The following PHC3 variants were observed in gnomAD, a reference collection of about 807,000 sequenced individuals.
PHC3 encodes polyhomeotic homolog 3, also known as polyhomeotic-like protein 3.
PHC3 carries 13 observed loss-of-function variants against 107.4 expected under a neutral mutation model. The observed-to-expected ratio is 0.12, with a 90% confidence interval of 0.08 to 0.19. The LOEUF (loss-of-function observed/expected upper bound fraction) is 0.19. Ranked by LOEUF, PHC3 falls within the 10% of genes least tolerant of loss-of-function variation. The pLI, the probability that PHC3 is intolerant of heterozygous loss-of-function variation, is 1.00. For missense variants in PHC3, 992 were observed against 1,210.9 expected (o/e 0.82, Z 2.68); for synonymous variants, 456 against 427.4 (o/e 1.07, Z -0.83).
chr3:170,096,114 A>C lies in PHC3; in HGVS notation c.*1116T>G, dbSNP rs765756781. 2 of 152,172 alleles carry C rather than the reference A, an allele frequency of 1.3e-5. No individual in the cohort carries two copies. Among genetic ancestry groups the C allele is most frequent in the Non-Finnish European group, 2.9e-5 (2 of 68,028 alleles). The allele number at this position is 152,172 out of a possible 1,614,324, so 9.4% of individuals were successfully genotyped here. A position where few individuals can be genotyped will look rare whatever the true frequency, so the allele number is the denominator to read the frequency against. ...GAGGAGCACAGAGGTATGAAAGATA[A>C]TCAGAATGAATTAGTACTTTCTGAG... On this transcript the variant is annotated 3_prime_UTR_variant, in exon 15 of 15. Coordinates refer to ENST00000495893, the MANE Select transcript of PHC3 (RefSeq NM_024947.4).
intron 7 of PHC3, among the ~76,000 whole-genome samples, chr3:170,135,109 C>T (rs575099338): frequency 6.6e-6 from 1 of 152,242 alleles, no homozygotes; most frequent in African/African-American, 2.4e-5. Context: ...AAGATGCTTA[C>T]CCGATGAGGT....
intron 6 of PHC3, among the ~76,000 whole-genome samples, chr3:170,138,523 C>G (rs1209191844): frequency 6.6e-6 from 1 of 151,794 alleles, no homozygotes; most frequent in East Asian, 1.9e-4. Flanking sequence ...AACACCGTCT[C>G]TACTAAAAAT....
chr3:170,139,464 A>G (rs1315138626), intron 6 of PHC3, among the ~76,000 whole-genome samples: 1 of 152,238 alleles, frequency 6.6e-6, no homozygotes, highest in Non-Finnish European at 1.5e-5. Context: ...AATGATAACC[A>G]AAGGGTAATA....
At chr3:170,168,792 G>A (rs1412470989) in intron 4 of PHC3, among the ~76,000 whole-genome samples, 7 of 149,520 alleles carry the variant, frequency 4.7e-5, no homozygotes, top group Non-Finnish European at 8.9e-5. Context: ...CTCCACTACT[G>A]ACAATAGTGT....
chr3:170,154,691 G>A (rs1249219992), intron 4 of PHC3, among the ~76,000 whole-genome samples: 1 of 152,172 alleles, frequency 6.6e-6, no homozygotes, highest in Non-Finnish European at 1.5e-5. Flanking sequence ...TCTAAGTTGT[G>A]AGATCAAAGA....
At chr3:170,108,975 C>G (rs1395289021) in intron 11 of PHC3, among the ~76,000 whole-genome samples, 1 of 151,872 alleles carries the variant, frequency 6.6e-6, no homozygotes, top group Non-Finnish European at 1.5e-5. Context: ...GTTAACCGAA[C>G]AAAAATAAGA....
chr3:170,157,351 T>C (rs184871677), intron 4 of PHC3, among the ~76,000 whole-genome samples: 80 of 152,336 alleles, frequency 5.3e-4, no homozygotes, highest in African/African-American at 1.6e-3. Context: ...TGGAGGGGTA[T>C]GGAACCAACT....
rs770361520 is a variant in PHC3, at chr3:170,117,280, G to A, written c.2139C>T (p.Ile713=). Reference sequence around the variant, plus strand: ...CAAAGCCTTCAATAACATGGGTTAGGATCTGTGGTTTAACAATAGCCTGTG... The same window carrying A: ...CAAAGCCTTCAATAACATGGGTTAGAATCTGTGGTTTAACAATAGCCTGTG... ...KPPQAIVKPQ[I]LTHVIEGFVI... The change falls in exon 10 of 15, where the codon ATC becomes ATT. Residue 713 remains isoleucine, a synonymous_variant. Coordinates refer to ENST00000495893, the MANE Select transcript of PHC3 (RefSeq NM_024947.4). 15 of 1,613,862 alleles carry A rather than the reference G, an allele frequency of 9.3e-6. No individual in the cohort carries two copies. In the African/African-American group the frequency reaches 1.9e-4, roughly 20 times the overall value.
At chr3:170,162,279 C>T (rs976196364) in intron 4 of PHC3, among the ~76,000 whole-genome samples, 3 of 152,208 alleles carry the variant, frequency 2.0e-5, no homozygotes, top group Non-Finnish European at 4.4e-5. Context: ...AAACCTCCCA[C>T]ATGAACTCCA....
At chr3:170,138,772 C>T (rs957243378) in intron 6 of PHC3, among the ~76,000 whole-genome samples, 1 of 151,786 alleles carries the variant, frequency 6.6e-6, no homozygotes, top group Non-Finnish European at 1.5e-5. Context: ...CCCTCCACAA[C>T]CTAGGCCAAA....
intron 14 of PHC3, among the ~76,000 whole-genome samples, chr3:170,098,541 C>T (rs1422711830): frequency 6.6e-6 from 1 of 152,072 alleles, no homozygotes; most frequent in Non-Finnish European, 1.5e-5. Context: ...AACCCCAGCA[C>T]AAAGCACAAA....
chr3:170,124,998 C>A (rs1303163095), intron 8 of PHC3, among the ~76,000 whole-genome samples: 1 of 152,148 alleles, frequency 6.6e-6, no homozygotes, highest in Admixed American at 6.5e-5. Flanking sequence ...TAAAATTCTA[C>A]TGTTACTGGA....
intron 7 of PHC3, among the ~76,000 whole-genome samples, chr3:170,134,134 GCACA>G (rs1722683617): frequency 6.6e-6 from 1 of 151,402 alleles, no homozygotes; most frequent in East Asian, 1.9e-4. Flanking sequence ...GCAGCGCCTA[GCACA>G]CAGAGGTTTA....
chr3:170,107,557 A>G (rs1038237043), intron 11 of PHC3, among the ~76,000 whole-genome samples: 2 of 152,336 alleles, frequency 1.3e-5, no homozygotes, highest in East Asian at 1.9e-4. Flanking sequence ...CAGTGTGGGC[A>G]GCATAGCAAG....
At chr3:170,119,036 T>TAAAAA (rs1002478959) in intron 9 of PHC3, among the ~76,000 whole-genome samples, 45 of 72,592 alleles carry the variant, frequency 6.2e-4, no homozygotes, top group African/African-American at 1.2e-3. Flanking sequence ...TATAAAAAGC[T>TAAAAA]AAAAAAAAAA....
intron 4 of PHC3, among the ~76,000 whole-genome samples, chr3:170,161,781 C>T (rs187996752): frequency 2.6e-5 from 4 of 152,366 alleles, no homozygotes; most frequent in African/African-American, 7.2e-5. Context: ...GGCTTGTGGA[C>T]TGCCACCTTC....
At chr3:170,111,327 AAC>A in intron 11 of PHC3, among the ~76,000 whole-genome samples, 1 of 150,336 alleles carries the variant, frequency 6.7e-6, no homozygotes, top group African/African-American at 2.5e-5. Context: ...GGAACGAACG[AAC>A]GAAAGAACAA....
intron 9 of PHC3, among the ~76,000 whole-genome samples, chr3:170,120,306 C>T (rs1053663129): frequency 6.6e-6 from 1 of 152,042 alleles, no homozygotes; most frequent in South Asian, 2.1e-4. Flanking sequence ...CAATAATAGG[C>T]CAGGCGCAGT....
intron 9 of PHC3, among the ~76,000 whole-genome samples, chr3:170,120,313 C>T (rs1577046482): frequency 6.6e-6 from 1 of 152,228 alleles, no homozygotes; most frequent in East Asian, 1.9e-4. Flanking sequence ...AGGCCAGGCG[C>T]AGTGGCTCAT....
Sources: allele counts gnomAD v4.1 joint callset (sites outside exome capture counted in the v4.1 genomes callset), GRCh38; gene constraint gnomAD v4.1.1; transcripts MANE v1.5; gene names NCBI Gene and HGNC (gene_info 2026-07-23, HGNC 2026-07-21).